KCNMA1: variants seen among roughly 807,000 people sequenced by gnomAD.
The protein encoded by KCNMA1 is potassium calcium-activated channel subfamily M alpha 1.
Under a neutral mutation model 140.0 loss-of-function variants are expected in KCNMA1, and 29 were observed. The ratio of observed to expected loss-of-function variants is 0.21; its 90% CI spans 0.15 to 0.28. KCNMA1 has a LOEUF of 0.28. Among genes scored for constraint, KCNMA1 ranks in the 10% least tolerant of loss-of-function variants. The probability of loss-of-function intolerance (pLI) is 1.00; values close to 1 mark genes in which losing one functional copy is unlikely to be tolerated. For synonymous variants in KCNMA1, 612 were observed against 611.9 expected, an observed-to-expected ratio of 1.00 and a Z score of 0.00; for missense variants, 880 against 1,602.2, an observed-to-expected ratio of 0.55 and a Z score of 7.70.
chr10:76,875,842 T>A (rs182112758), downstream of KCNMA1: 2 of 152,768 alleles, frequency 1.3e-5, no homozygotes, highest in East Asian at 3.9e-4. Flanking sequence ...CCAAGAAATG[T>A]TTATAAGCCT....
chr10:77,432,993 G>A (rs1157326833), intron 1 of KCNMA1, among the ~76,000 whole-genome samples: 7 of 152,002 alleles, frequency 4.6e-5, no homozygotes, highest in East Asian at 3.9e-4. Flanking sequence ...AAAAGATCAC[G>A]GATATCTGTT....
At chr10:77,121,178 G>T in intron 5 of KCNMA1, 130 bp from the exon 6 acceptor site, 2 of 700,098 alleles carry the variant, frequency 2.9e-6, no homozygotes, top group Admixed American at 2.0e-5. Context: ...AAACCAGCTG[G>T]TACCTCAGAC....
chr10:76,870,801 C>T (rs935829118), exon 28 of KCNMA1: 1 of 152,278 alleles, frequency 6.6e-6, no homozygotes, highest in African/African-American at 2.4e-5. Flanking sequence ...TGACTGCCCA[C>T]GTGGGCCAGA....
At chr10:77,331,487 A>T (rs985675263) in intron 2 of KCNMA1, among the ~76,000 whole-genome samples, 7 of 152,080 alleles carry the variant, frequency 4.6e-5, no homozygotes, top group Non-Finnish European at 1.0e-4. Context: ...AAATATCAAT[A>T]TTCAAATACC....
downstream of KCNMA1, chr10:76,874,489 C>T (rs1293827701): frequency 1.3e-5 from 2 of 152,184 alleles, no homozygotes; most frequent in Non-Finnish European, 2.9e-5. Context: ...GTTTTAAAAA[C>T]ATTTTTAAAG....
At chr10:77,626,092 G>A (rs1012826351) in intron 1 of KCNMA1, among the ~76,000 whole-genome samples, 4 of 151,798 alleles carry the variant, frequency 2.6e-5, no homozygotes, top group African/African-American at 4.8e-5. Context: ...GCCCCTGCAC[G>A]GCCTACGTTT....
chr10:77,608,823 C>T (rs1177464027), intron 1 of KCNMA1, among the ~76,000 whole-genome samples: 1 of 152,120 alleles, frequency 6.6e-6, no homozygotes, highest in Non-Finnish European at 1.5e-5. Flanking sequence ...AAATGGCCCA[C>T]AGGTATATAA....
chr10:77,505,499 G>A (rs931154926), intron 1 of KCNMA1, among the ~76,000 whole-genome samples: 1 of 152,188 alleles, frequency 6.6e-6, no homozygotes, highest in Non-Finnish European at 1.5e-5. Context: ...TTTGGTTGGG[G>A]GGAAGCTCAT....
At chr10:77,577,213 AT>A (rs201924546) in intron 1 of KCNMA1, among the ~76,000 whole-genome samples, 2,228 of 151,834 alleles carry the variant, frequency 0.015, 63 homozygotes, top group African/African-American at 0.051. Flanking sequence ...TGCCCGGCTA[AT>A]TTTTTTGTAT....
chr10:76,932,365 A>G (rs2059488293), intron 23 of KCNMA1, among the ~76,000 whole-genome samples: 1 of 152,220 alleles, frequency 6.6e-6, no homozygotes, highest in Non-Finnish European at 1.5e-5. Flanking sequence ...GTCATTTGAT[A>G]AGCCAGGTGC....
intron 14 of KCNMA1, among the ~76,000 whole-genome samples, chr10:77,066,302 G>T (rs2095945152): frequency 6.6e-6 from 1 of 152,142 alleles, no homozygotes; most frequent in South Asian, 2.1e-4. Context: ...CCGATTCTGG[G>T]AATATTTTGA....
rs139157035 is a variant in KCNMA1 at position 77,312,790 on chromosome 10, C to G, written c.541-61534G>C. On this transcript the variant is annotated intron_variant, in intron 2 of 27. Coordinates refer to ENST00000286628, the MANE Select transcript of KCNMA1 (RefSeq NM_001161352.2). The stretch of plus-strand genomic sequence containing the variant: ...CTGAGGGCCAGGTTAGTCACTGAGC[C>G]CTCCACATGAGCCTGGTGGGGGTGT... 1.1e-3 allele frequency among the ~76,000 whole-genome samples: 175 copies of G among 152,248 alleles called. 4 individuals carry two copies. Among genetic ancestry groups the G allele is most frequent in the African/African-American group, 3.9e-3 (164 of 41,524 alleles).
Position 77,611,282 on chromosome 10 carries a change from T to G in KCNMA1, c.378+25983A>C, listed in dbSNP as rs1160753293. 3.9e-5 allele frequency among the ~76,000 whole-genome samples: 6 copies of G among 152,208 alleles called. No individual in the cohort carries two copies. The East Asian group carries it at 1.2e-3, about 29-fold the overall frequency. On this transcript the variant is annotated intron_variant, in intron 1 of 27. Coordinates refer to ENST00000286628, the MANE Select transcript of KCNMA1 (RefSeq NM_001161352.2). The stretch of plus-strand genomic sequence containing the variant: ...CTAGGAATGCTGGTGCAAAGGTGAT[T>G]TATTTCCTGACAAGGTTGAGCAGAT...
chr10:77,245,908 T>C (rs1045919192), intron 3 of KCNMA1, among the ~76,000 whole-genome samples: 2 of 152,278 alleles, frequency 1.3e-5, no homozygotes, highest in Middle Eastern at 6.8e-3. Flanking sequence ...GAAGCTGGTC[T>C]CATCAAGCCA....
intron 1 of KCNMA1, among the ~76,000 whole-genome samples, chr10:77,444,903 G>A (rs1236868060): frequency 1.3e-5 from 2 of 152,120 alleles, no homozygotes; most frequent in African/African-American, 4.8e-5. Context: ...CTCCACTTGA[G>A]CAGTGAACAA....
At chr10:77,436,957 T>TACACACACACACACAC (rs10536103) in intron 1 of KCNMA1, among the ~76,000 whole-genome samples, 5 of 134,762 alleles carry the variant, frequency 3.7e-5, no homozygotes, top group African/African-American at 1.4e-4. Context: ...CTTCTTTCTT[T>TACACACACACACACAC]ACACACACAC....
chr10:76,956,648 G>C (rs900303208), intron 20 of KCNMA1, among the ~76,000 whole-genome samples: 1 of 152,058 alleles, frequency 6.6e-6, no homozygotes, highest in East Asian at 1.9e-4. Context: ...TTAAGATAAA[G>C]TCCCTAGTCA....
chr10:77,417,205 C>A (rs1025940540), intron 1 of KCNMA1, among the ~76,000 whole-genome samples: 1 of 152,248 alleles, frequency 6.6e-6, no homozygotes, highest in African/African-American at 2.4e-5. Context: ...GTCTCCAGGG[C>A]CCACATCTGC....
At chr10:77,387,317 C>A (rs1185289474) in intron 2 of KCNMA1, among the ~76,000 whole-genome samples, 1 of 152,122 alleles carries the variant, frequency 6.6e-6, no homozygotes, top group Non-Finnish European at 1.5e-5. Context: ...TGAGGTCTAA[C>A]CTATGCAGCT....
Sources: gnomAD v4.1 joint callset for allele counts (sites outside exome capture counted in the v4.1 genomes callset) on GRCh38, gnomAD v4.1.1 for gene constraint, MANE v1.5 for transcripts, NCBI Gene and HGNC (gene_info 2026-07-23, HGNC 2026-07-21) for gene names.